SIRPG: variants seen among roughly 807,000 people sequenced by gnomAD.
The protein encoded by SIRPG is signal regulatory protein gamma.
A neutral mutation model predicts 35.7 loss-of-function variants in SIRPG; 38 were observed. The ratio of observed to expected loss-of-function variants is 1.06; its 90% CI spans 0.82 to 1.40. The LOEUF is 1.40. Among genes scored for constraint, SIRPG ranks in the 40% most tolerant of loss-of-function variants. The pLI, the probability that SIRPG is intolerant of heterozygous loss-of-function variation, is 0.00. For synonymous variants in SIRPG, 215 were observed against 190.4 expected (o/e 1.13, Z -1.06); for missense variants, 519 against 483.0 (o/e 1.07, Z -0.70).
intron 1 of SIRPG, among the ~76,000 whole-genome samples, chr20:1,654,298 A>G (rs1160684570): frequency 6.6e-6 from 1 of 152,100 alleles, no homozygotes; most frequent in Non-Finnish European, 1.5e-5. Context: ...AACATTGACT[A>G]CAGTGTCAAA....
chr20:1,648,745 G>C (rs556900614), intron 2 of SIRPG, among the ~76,000 whole-genome samples: 8 of 152,354 alleles, frequency 5.3e-5, no homozygotes, highest in Non-Finnish European at 1.2e-4. Flanking sequence ...ACCTGGGCAA[G>C]TCACTCAATC....
intron 1 of SIRPG, chr20:1,651,337 C>T (rs184311699): frequency 1.0e-4 from 16 of 152,514 alleles, no homozygotes; most frequent in African/African-American, 3.8e-4. Flanking sequence ...TCTTCTGTGA[C>T]TTAGTGACAC....
At chr20:1,665,590 C>T in the SIRPG span, among the ~76,000 whole-genome samples, 9 of 152,148 alleles carry the variant, frequency 5.9e-5, no homozygotes, top group Admixed American at 4.6e-4. Flanking sequence ...CCCCATCTCC[C>T]GGTGCCAGGC....
chr20:1,655,988 A>G (rs180967989), intron 1 of SIRPG, among the ~76,000 whole-genome samples: 339 of 152,292 alleles, frequency 2.2e-3, no homozygotes, highest in African/African-American at 7.2e-3. Flanking sequence ...TTATCATGTT[A>G]GTATATAAGG....
chr20:1,668,160 C>G, the SIRPG span, among the ~76,000 whole-genome samples: 3 of 90,010 alleles, frequency 3.3e-5, no homozygotes, highest in African/African-American at 1.1e-4. Context: ...TTTTTCTTTT[C>G]TTTTCTTTTC....
chr20:1,683,104 T>A, the SIRPG span, among the ~76,000 whole-genome samples: 2 of 152,302 alleles, frequency 1.3e-5, no homozygotes, highest in South Asian at 4.1e-4. Context: ...AATAGACATT[T>A]CTCAAAAGAA....
At chr20:1,642,577 T>C (rs532088064) in intron 2 of SIRPG, among the ~76,000 whole-genome samples, 5 of 152,346 alleles carry the variant, frequency 3.3e-5, no homozygotes, top group African/African-American at 9.6e-5. Flanking sequence ...CATTTAAGCT[T>C]AATATTGTTA....
intron 2 of SIRPG, among the ~76,000 whole-genome samples, chr20:1,641,484 ATTCTTCTC>A (rs1198730919): frequency 7.3e-6 from 1 of 137,666 alleles, no homozygotes; most frequent in African/African-American, 2.7e-5. Context: ...TATTGATTTG[ATTCTTCTC>A]TCCTTTCTTC....
rs903835170 is a variant in SIRPG, at chr20:1,638,200, C to T, written c.431-1695G>A. On this transcript the variant is annotated intron_variant, in intron 2 of 5. Coordinates refer to ENST00000303415, the MANE Select transcript of SIRPG (RefSeq NM_018556.4). ...CTCCCTTTATTGCCTTGAGGGGGTC[C>T]TCGTGTGAGTCCCTTATAGGACCAG... Among the ~76,000 whole-genome samples, 8 of 152,284 alleles carry T rather than the reference C, an allele frequency of 5.3e-5. No homozygotes were observed. The South Asian group carries it at 1.5e-3, about 28-fold the overall frequency.
the SIRPG span, among the ~76,000 whole-genome samples, chr20:1,665,580 C>A: frequency 1.3e-5 from 2 of 152,088 alleles, no homozygotes; most frequent in African/African-American, 4.8e-5. Context: ...TTTCCAGTCA[C>A]CCCATCTCCC....
the SIRPG span, among the ~76,000 whole-genome samples, chr20:1,682,640 AT>A: frequency 1.2e-4 from 19 of 152,356 alleles, no homozygotes; most frequent in South Asian, 3.7e-3. Flanking sequence ...CAAAAATGTT[AT>A]TGAGTAAACT....
chr20:1,643,088 T>A (rs919791585), intron 2 of SIRPG, among the ~76,000 whole-genome samples: 1 of 150,760 alleles, frequency 6.6e-6, no homozygotes, highest in Non-Finnish European at 1.5e-5. Context: ...TGGTGTTTTC[T>A]ATATTTCCTG....
chr20:1,640,213 A>G (rs917061987), intron 2 of SIRPG, among the ~76,000 whole-genome samples: 3 of 151,198 alleles, frequency 2.0e-5, no homozygotes, highest in Admixed American at 6.6e-5. Context: ...TTACTTTTTC[A>G]TGACATTCAT....
In SIRPG at chr20:1,636,372, C is replaced by T. The variant is rs2091802144; in HGVS notation, c.564G>A (p.Glu188=). ...CCACGTTGGTCTGGAAGTCTGAGAG[C>T]TCATTCCCATTTTTGAACCATTTCA... ...ITLKWFKNGN[E]LSDFQTNVDP... is the part of the protein sequence containing the mutation. The change falls in exon 3 of 6, where the codon GAG becomes GAA. Residue 188 remains glutamate, a synonymous_variant. Transcript: ENST00000303415. 1.2e-6 allele frequency: 2 copies of T among 1,614,112 alleles called. No individual in the cohort carries two copies. The highest frequency in any genetic ancestry group is 8.5e-7 in the Non-Finnish European group (1 of 1,180,048).
intron 1 of SIRPG, among the ~76,000 whole-genome samples, chr20:1,653,646 C>A (rs2091956589): frequency 6.6e-6 from 1 of 151,946 alleles, no homozygotes; most frequent in Non-Finnish European, 1.5e-5. Flanking sequence ...TGCATTTTAC[C>A]AAGAGAGAAG....
chr20:1,633,375 G>A (rs1600192453), intron 4 of SIRPG: 1 of 152,162 alleles, frequency 6.6e-6, no homozygotes, highest in African/African-American at 2.4e-5. Flanking sequence ...GAAATTTGAG[G>A]AAAATTTGAA....
At chr20:1,657,996 C>A (rs2091985344), upstream of SIRPG, among the ~76,000 whole-genome samples, 1 of 152,102 alleles carries the variant, frequency 6.6e-6, no homozygotes, top group African/African-American at 2.4e-5. Flanking sequence ...TCCTCGTGTC[C>A]CCAAACCCAT....
At chr20:1,672,908 A>T in the SIRPG span, among the ~76,000 whole-genome samples, 1 of 152,160 alleles carries the variant, frequency 6.6e-6, no homozygotes. Flanking sequence ...TTTCATCATT[A>T]GTTAACTACA....
chr20:1,681,400 G>A, the SIRPG span, among the ~76,000 whole-genome samples: 491 of 152,314 alleles, frequency 3.2e-3, 3 homozygotes, highest in African/African-American at 0.011. Flanking sequence ...AATGCTTTGT[G>A]CTTCTGTTTC....
Sources: gnomAD v4.1 joint callset for allele counts (sites outside exome capture counted in the v4.1 genomes callset) on GRCh38, gnomAD v4.1.1 for gene constraint, MANE v1.5 for transcripts, NCBI Gene and HGNC (gene_info 2026-07-23, HGNC 2026-07-21) for gene names.